Variants in EXOC6B observed in about 807,000 individuals in gnomAD.
The protein encoded by EXOC6B is SEC15 homolog B.
A neutral mutation model predicts 113.5 loss-of-function variants in EXOC6B; 54 were observed. That is an observed-to-expected ratio of 0.48 (90% CI 0.38 to 0.60). The LOEUF (loss-of-function observed/expected upper bound fraction) is 0.60, where lower values mean the gene tolerates loss of function less well. Among genes scored for constraint, EXOC6B ranks in the 20% least tolerant of loss-of-function variants. The pLI, the probability that EXOC6B is intolerant of heterozygous loss-of-function variation, is 0.00. For synonymous variants in EXOC6B, 357 were observed against 339.0 expected (o/e 1.05, Z -0.58); for missense variants, 797 against 977.5 (o/e 0.82, Z 2.46).
chr2:72,819,261 G>A (rs929032303), intron 1 of EXOC6B, among the ~76,000 whole-genome samples: 8 of 151,908 alleles, frequency 5.3e-5, no homozygotes, highest in Non-Finnish European at 1.2e-4. Flanking sequence ...AAAGTTAAGA[G>A]GAAATATAAA....
At position 72,823,482 on chromosome 2, in the gene EXOC6B, AAAAC is replaced by A. The variant is rs1559031768; in HGVS notation, c.113+2312_113+2315del. 6.6e-3 allele frequency among the ~76,000 whole-genome samples: 921 copies of A among 138,902 alleles called. 73 individuals are homozygous for A. Among genetic ancestry groups the A allele is most frequent in the Non-Finnish European group, 0.01 (653 of 64,044 alleles). The allele number at this position is 138,902 out of a possible 152,430, so 91.1% of individuals were successfully genotyped here. ...AAGAAAAAAAAAAAAAAAAAAACAA[AAAAC>A]AAAAAAAAAGACAGTGGCCAGGCAC... On this transcript the variant is annotated intron_variant, in intron 1 of 21. Transcript: ENST00000272427.
At chr2:72,261,269 C>A (rs1683695864) in intron 20 of EXOC6B, among the ~76,000 whole-genome samples, 1 of 152,118 alleles carries the variant, frequency 6.6e-6, no homozygotes, top group African/African-American at 2.4e-5. Flanking sequence ...GTTGGAGCAC[C>A]CCCTCCAGGG....
In EXOC6B at chr2:72,690,773, A is replaced by C. The variant is rs375736517; in HGVS notation, c.669+27330T>G. ...ACATGGCACAACAATACAGAGAAAG[A>C]TGCTGGACATGTCAGGTACTCAGTT... On this transcript the variant is annotated intron_variant, in intron 6 of 21. Coordinates refer to ENST00000272427, the MANE Select transcript of EXOC6B (RefSeq NM_015189.3). Among the ~76,000 whole-genome samples, 23 of 152,312 alleles carry C rather than the reference A, an allele frequency of 1.5e-4. 2 individuals are homozygous for C. The highest frequency in any genetic ancestry group is 4.6e-4 in the African/African-American group (19 of 41,574).
chr2:72,527,294 A>T (rs1186526926), intron 8 of EXOC6B, among the ~76,000 whole-genome samples: 1 of 151,984 alleles, frequency 6.6e-6, no homozygotes, highest in East Asian at 1.9e-4. Context: ...GAGTACGGAA[A>T]GGAGTATGTA....
chr2:72,373,211 T>C, intron 19 of EXOC6B, among the ~76,000 whole-genome samples: 1 of 151,574 alleles, frequency 6.6e-6, no homozygotes, highest in Non-Finnish European at 1.5e-5. Flanking sequence ...TGGGATTACA[T>C]GGCCAGCTAA....
intron 20 of EXOC6B, among the ~76,000 whole-genome samples, chr2:72,243,733 A>G (rs544596447): frequency 1.3e-5 from 2 of 152,314 alleles, no homozygotes; most frequent in South Asian, 4.1e-4. Context: ...CCTAGAACTT[A>G]AAGTATAATT....
intron 20 of EXOC6B, among the ~76,000 whole-genome samples, chr2:72,258,180 G>A (rs2104571409): frequency 6.6e-6 from 1 of 152,172 alleles, no homozygotes; most frequent in South Asian, 2.1e-4. Flanking sequence ...AGAAAACAGT[G>A]TTGTCTTTAC....
At chr2:72,585,337 C>T (rs142860810) in intron 6 of EXOC6B, among the ~76,000 whole-genome samples, 1 of 152,130 alleles carries the variant, frequency 6.6e-6, no homozygotes, top group African/African-American at 2.4e-5. Flanking sequence ...GTGGCTCATG[C>T]CTGTAATCCC....
intron 6 of EXOC6B, among the ~76,000 whole-genome samples, chr2:72,625,179 C>A (rs1175292771): frequency 6.6e-6 from 1 of 151,236 alleles, no homozygotes; most frequent in African/African-American, 2.4e-5. Context: ...GCCTCCCAAA[C>A]TGCTGGGATT....
intron 6 of EXOC6B, among the ~76,000 whole-genome samples, chr2:72,623,571 T>C (rs1008603590): frequency 6.6e-6 from 1 of 152,174 alleles, no homozygotes; most frequent in African/African-American, 2.4e-5. Context: ...CAAAGTAATC[T>C]ATTATTTTAA....
At chr2:72,808,764 A>C (rs1305856250) in intron 1 of EXOC6B, among the ~76,000 whole-genome samples, 1 of 152,174 alleles carries the variant, frequency 6.6e-6, no homozygotes, top group East Asian at 1.9e-4. Flanking sequence ...GCTGGGCAAC[A>C]GAGCGAGATC....
At chr2:72,300,633 A>C (rs142545651) in intron 20 of EXOC6B, among the ~76,000 whole-genome samples, 3,397 of 152,246 alleles carry the variant, frequency 0.022, 138 homozygotes, top group African/African-American at 0.075. Context: ...TTGTGCTTGA[A>C]ACCCAGGGCC....
chr2:72,180,098 G>C (rs1252304785), intron 21 of EXOC6B, among the ~76,000 whole-genome samples: 3 of 152,220 alleles, frequency 2.0e-5, no homozygotes, highest in Non-Finnish European at 4.4e-5. Context: ...GCTGAGGAAA[G>C]CATGGGCCAA....
intron 1 of EXOC6B, among the ~76,000 whole-genome samples, chr2:72,804,878 T>C (rs1038663773): frequency 2.6e-5 from 4 of 152,150 alleles, no homozygotes; most frequent in Admixed American, 2.6e-4. Context: ...ATTACAGACG[T>C]GAGCCACCAC....
chr2:72,427,659 C>T (rs1249799964), intron 18 of EXOC6B, among the ~76,000 whole-genome samples: 1 of 152,146 alleles, frequency 6.6e-6, no homozygotes. Flanking sequence ...TGACCCTTGG[C>T]GTGAGCAGCC....
chr2:72,710,045 AT>A (rs1268333287), intron 6 of EXOC6B, among the ~76,000 whole-genome samples: 2 of 152,138 alleles, frequency 1.3e-5, no homozygotes, highest in Non-Finnish European at 2.9e-5. Flanking sequence ...GTTGTGAACA[AT>A]TGGTACCACC....
chr2:72,506,130 G>T (rs1005854480), intron 11 of EXOC6B, among the ~76,000 whole-genome samples: 1 of 151,890 alleles, frequency 6.6e-6, no homozygotes, highest in African/African-American at 2.4e-5. Flanking sequence ...TCATTATCAA[G>T]ATCATGTATG....
chr2:72,423,341 G>C (rs1039980906), intron 18 of EXOC6B, among the ~76,000 whole-genome samples: 8 of 152,048 alleles, frequency 5.3e-5, no homozygotes, highest in African/African-American at 1.7e-4. Context: ...GAGGGTCCGT[G>C]GCTTCATTCT....
intron 19 of EXOC6B, among the ~76,000 whole-genome samples, chr2:72,378,339 AT>A (rs1326064230): frequency 6.6e-6 from 1 of 152,040 alleles, no homozygotes; most frequent in Non-Finnish European, 1.5e-5. Flanking sequence ...AGTCTCTGGG[AT>A]TTTGCTTTTG....
Sources: allele counts gnomAD v4.1 joint callset (sites outside exome capture counted in the v4.1 genomes callset), GRCh38; gene constraint gnomAD v4.1.1; transcripts MANE v1.5; gene names NCBI Gene and HGNC (gene_info 2026-07-23, HGNC 2026-07-21).